Variants in ATP8B4 observed in about 807,000 individuals in gnomAD.
ATP8B4 encodes ATPase phospholipid transporting 8B4 (putative).
Under a neutral mutation model 145.6 loss-of-function variants are expected in ATP8B4, and 133 were observed. The observed-to-expected ratio is 0.91, with a 90% CI of 0.79 to 1.05. The LOEUF (loss-of-function observed/expected upper bound fraction) is 1.05. Among genes scored for constraint, ATP8B4 ranks in the 50% least tolerant of loss-of-function variants. The pLI is 0.00. For synonymous variants in ATP8B4, 507 were observed against 492.9 expected, an observed-to-expected ratio of 1.03 and a Z score of -0.38; for missense variants, 1,458 against 1,425.2, an observed-to-expected ratio of 1.02 and a Z score of -0.37.
intron 13 of ATP8B4, among the ~76,000 whole-genome samples, chr15:49,969,220 G>T (rs1332904443): frequency 3.3e-5 from 5 of 151,964 alleles, no homozygotes; most frequent in Non-Finnish European, 7.4e-5. Flanking sequence ...AATAACTAGA[G>T]AATAAAGAGC....
chr15:49,878,899 CCT>C (rs1212858210), intron 24 of ATP8B4, among the ~76,000 whole-genome samples: 2 of 152,296 alleles, frequency 1.3e-5, no homozygotes, highest in African/African-American at 4.8e-5. Flanking sequence ...GTGTTAGCCC[CCT>C]GTGTTCCAAC....
chr15:50,039,360 T>A (rs990690224), intron 5 of ATP8B4, among the ~76,000 whole-genome samples: 1 of 152,224 alleles, frequency 6.6e-6, no homozygotes, highest in African/African-American at 2.4e-5. Context: ...TAGAATCCAA[T>A]ACTGAAACAC....
At chr15:50,037,431 A>G (rs1450617709) in intron 6 of ATP8B4, among the ~76,000 whole-genome samples, 1 of 152,232 alleles carries the variant, frequency 6.6e-6, no homozygotes, top group Non-Finnish European at 1.5e-5. Context: ...CTAACAACAT[A>G]CAAGACACTG....
chr15:50,112,102 A>G (rs74680507), intron 1 of ATP8B4, among the ~76,000 whole-genome samples: 14,713 of 152,152 alleles, frequency 0.097, 804 homozygotes, highest in African/African-American at 0.15. Flanking sequence ...TGGTAAACTG[A>G]GGGGTTGGGG....
At chr15:50,141,269 A>C (rs1223594683) in intron 1 of ATP8B4, among the ~76,000 whole-genome samples, 1 of 152,040 alleles carries the variant, frequency 6.6e-6, no homozygotes, top group Non-Finnish European at 1.5e-5. Flanking sequence ...ATGCTAACTG[A>C]TTAATACCAC....
In ATP8B4 at chr15:49,876,537, G is replaced by T; in HGVS notation, c.2782-14C>A. 6.2e-7 allele frequency: 1 copy of T among 1,613,662 alleles called. No homozygotes were observed. Among genetic ancestry groups the T allele is most frequent in the South Asian group, 1.1e-5 (1 of 91,082 alleles). ...GTCACTCACATCCTGTAAACAGAGT[G>T]TAATTTCAGTGGAGAAGGATTAAAA... is the stretch of plus-strand genomic sequence containing the variant. On this transcript the variant is annotated splice_polypyrimidine_tract_variant and intron_variant, in intron 24 of 27. Coordinates refer to ENST00000284509, the MANE Select transcript of ATP8B4 (RefSeq NM_024837.4).
At chr15:50,001,180 T>G (rs1001357877) in intron 8 of ATP8B4, among the ~76,000 whole-genome samples, 8 of 152,124 alleles carry the variant, frequency 5.3e-5, no homozygotes, top group African/African-American at 1.9e-4. Context: ...ATTTCTGCTC[T>G]TATCTTATTA....
chr15:50,173,364 C>G (rs1479141199), intron 1 of ATP8B4, among the ~76,000 whole-genome samples: 1 of 151,976 alleles, frequency 6.6e-6, no homozygotes, highest in Non-Finnish European at 1.5e-5. Flanking sequence ...AATTATTCTG[C>G]CTTGGGATGC....
At chr15:49,875,269 T>A (rs1159191829) in intron 25 of ATP8B4, among the ~76,000 whole-genome samples, 1 of 152,202 alleles carries the variant, frequency 6.6e-6, no homozygotes, top group Non-Finnish European at 1.5e-5. Context: ...TGGCCTTTTA[T>A]TTCAGTTACT....
rs1284555244 is a variant in ATP8B4, at chr15:50,113,639, G to C, written c.-43+5484C>G. On this transcript the variant is annotated intron_variant, in intron 1 of 27. Coordinates refer to ENST00000284509, the MANE Select transcript of ATP8B4 (RefSeq NM_024837.4). ...GGATCACCTGAGGTCAGGAGTTCGA[G>C]ACCAGCCTGACCAACATGGAAAAAC... Among the ~76,000 whole-genome samples, 2 of 152,002 alleles carry C rather than the reference G, an allele frequency of 1.3e-5. 1 individual carries two copies. Among genetic ancestry groups the C allele is most frequent in the Admixed American group, 1.3e-4 (2 of 15,280 alleles).
intron 22 of ATP8B4, 141 bp from the exon 23 acceptor site, chr15:49,897,656 T>C: frequency 1.4e-6 from 1 of 704,310 alleles, no homozygotes; most frequent in Non-Finnish European, 2.1e-6. Context: ...ATGAAACACT[T>C]ATGATAGATA....
At position 50,127,425 on chromosome 15, in the gene ATP8B4, T is replaced by A. The variant is rs1416520544; in HGVS notation, c.-42-20417A>T. On this transcript the variant is annotated intron_variant, in intron 1 of 3. Transcript: ENST00000558829. ...GACTTGGGCTTCCATTCTAAATGGC[T>A]TGAGTGAGTCACAAACATACATCCC... 2.0e-5 allele frequency among the ~76,000 whole-genome samples: 3 copies of A among 152,204 alleles called. No individual in the cohort carries two copies. In the East Asian group the frequency reaches 5.8e-4, roughly 29 times the overall value.
chr15:50,084,351 C>G lies in ATP8B4; in HGVS notation c.29-10166G>C, dbSNP rs1226085699. On this transcript the variant is annotated intron_variant, in intron 2 of 27. Coordinates refer to ENST00000284509, the MANE Select transcript of ATP8B4 (RefSeq NM_024837.4). Reference sequence around the variant, plus strand: ...GGTAATAAGGCTTTAAAAAGAGATACAAGGGGGCCAGGATTTGAGGCAGAA... The same window carrying G: ...GGTAATAAGGCTTTAAAAAGAGATAGAAGGGGGCCAGGATTTGAGGCAGAA... Among the ~76,000 whole-genome samples, 3 of 152,094 alleles carry G rather than the reference C, an allele frequency of 2.0e-5. No individual in the cohort carries two copies. In the East Asian group the frequency reaches 5.8e-4, roughly 29 times the overall value.
chr15:50,145,029 G>A (rs2044259474), intron 1 of ATP8B4, among the ~76,000 whole-genome samples: 1 of 152,122 alleles, frequency 6.6e-6, no homozygotes, highest in Non-Finnish European at 1.5e-5. Flanking sequence ...AGAACTTTTT[G>A]CAAGATCTAT....
At chr15:50,069,716 G>C (rs1011284566) in intron 3 of ATP8B4, among the ~76,000 whole-genome samples, 3 of 152,040 alleles carry the variant, frequency 2.0e-5, no homozygotes, top group African/African-American at 7.2e-5. Context: ...TTTGTATTTT[G>C]TTTGTTTTCC....
rs958749469 is a variant in ATP8B4 at position 49,974,655 on chromosome 15, T to C, written c.1035-1865A>G. On this transcript the variant is annotated intron_variant, in intron 12 of 27. Transcript: ENST00000284509. The stretch of plus-strand genomic sequence containing the variant: ...ATATGTCTTCTCTATGCCAAGATTA[T>C]ATATACAGACATCTACATTTTTCTT... Among the ~76,000 whole-genome samples the C allele has an allele frequency of 2.0e-5, 3 of 152,210 alleles. 1 individual carries two copies. The highest frequency in any genetic ancestry group is 4.4e-5 in the Non-Finnish European group (3 of 68,030).
intron 12 of ATP8B4, among the ~76,000 whole-genome samples, chr15:49,976,634 A>C (rs1245090876): frequency 1.3e-5 from 2 of 152,218 alleles, no homozygotes; most frequent in Middle Eastern, 3.2e-3. Context: ...ATCTTAAACC[A>C]AAGTGAATGA....
intron 23 of ATP8B4, among the ~76,000 whole-genome samples, chr15:49,882,379 A>G (rs553864930): frequency 1.3e-5 from 2 of 152,282 alleles, no homozygotes; most frequent in Middle Eastern, 3.4e-3. Flanking sequence ...GTCCAACTCT[A>G]CTTCTAGATA....
At chr15:49,923,686 G>C (rs2040462534) in intron 16 of ATP8B4, among the ~76,000 whole-genome samples, 192 bp from the exon 17 acceptor site, 1 of 152,126 alleles carries the variant, frequency 6.6e-6, no homozygotes, top group Admixed American at 6.6e-5. Flanking sequence ...CTTAAGAAAT[G>C]CTCCATCTAC....
Sources: allele counts gnomAD v4.1 joint callset (sites outside exome capture counted in the v4.1 genomes callset), GRCh38; gene constraint gnomAD v4.1.1; transcripts MANE v1.5; gene names NCBI Gene and HGNC (gene_info 2026-07-23, HGNC 2026-07-21).